CHST9: variants seen among roughly 807,000 people sequenced by gnomAD.
CHST9 encodes GalNAc-4-sulfotransferase 2.
CHST9 carries 41 observed loss-of-function variants against 44.4 expected under a neutral mutation model. The observed-to-expected ratio is 0.92, with a 90% CI of 0.72 to 1.20. The LOEUF is 1.20. CHST9 is among the 50% of genes most tolerant of loss of function. CHST9 has a pLI of 0.00. For missense variants in CHST9, 504 were observed against 516.5 expected (o/e 0.98, Z 0.23); for synonymous variants, 171 against 178.4 (o/e 0.96, Z 0.33).
rs2055376443 is a variant in CHST9, at chr18:26,906,653, G to A, written c.*9606C>T. On this transcript the variant is annotated 3_prime_UTR_variant, in exon 6 of 6. Transcript: ENST00000618847. ...CCCAACATTTGAAAGTTGAGGATAC[G>A]GAATTCAAACCCAGTTCTTACTCAT... The A allele has an allele frequency of 1.3e-5, 2 of 152,126 alleles. No individual in the cohort carries two copies. The highest frequency in any genetic ancestry group is 2.4e-5 in the African/African-American group (1 of 41,406). The allele number at this position is 152,126 out of a possible 1,614,324, so 9.4% of individuals were successfully genotyped here.
At chr18:27,052,606 T>C (rs767939495) in intron 2 of CHST9, among the ~76,000 whole-genome samples, 3 of 152,172 alleles carry the variant, frequency 2.0e-5, no homozygotes, top group Non-Finnish European at 2.9e-5. Flanking sequence ...TAAAGCCTCT[T>C]GGAAATCTCT....
chr18:27,130,307 T>C (rs2058460353), intron 2 of CHST9, among the ~76,000 whole-genome samples: 2 of 152,196 alleles, frequency 1.3e-5, no homozygotes, highest in South Asian at 4.1e-4. Flanking sequence ...AATGACCTAG[T>C]AATTATTTTA....
At chr18:27,097,158 AT>A (rs1162178629) in intron 2 of CHST9, among the ~76,000 whole-genome samples, 2 of 152,172 alleles carry the variant, frequency 1.3e-5, no homozygotes, top group Non-Finnish European at 2.9e-5. Context: ...CATAAACAGA[AT>A]TTAAAACAAA....
intron 4 of CHST9, 41 bp from the exon 5 acceptor site, chr18:26,944,407 A>C: frequency 7.3e-7 from 1 of 1,374,854 alleles, no homozygotes; most frequent in Non-Finnish European, 1.0e-6. Context: ...TTAAAGCATG[A>C]AAATGAATAA....
rs2055469811 is a variant in CHST9 at position 26,913,477 on chromosome 18, G to C, written c.*2782C>G. ...TTGCACATCTATAGATAGTTTACAG[G>C]TTACATAACTGTGGTTTTGGATTTA... On this transcript the variant is annotated 3_prime_UTR_variant, in exon 6 of 6. Coordinates refer to ENST00000618847, the MANE Select transcript of CHST9 (RefSeq NM_031422.6). The C allele has an allele frequency of 6.6e-6, 1 of 152,186 alleles. No individual in the cohort carries two copies. The highest frequency in any genetic ancestry group is 1.5e-5 in the Non-Finnish European group (1 of 68,038). The allele number at this position is 152,186 out of a possible 1,614,324, so 9.4% of individuals were successfully genotyped here.
At chr18:26,953,199 A>G (rs2056274878) in intron 4 of CHST9, among the ~76,000 whole-genome samples, 1 of 152,214 alleles carries the variant, frequency 6.6e-6, no homozygotes, top group Non-Finnish European at 1.5e-5. Flanking sequence ...GAACTTAAAA[A>G]TAAGTTCAGA....
chr18:27,093,411 C>T (rs532223740), intron 2 of CHST9, among the ~76,000 whole-genome samples: 2 of 152,366 alleles, frequency 1.3e-5, no homozygotes, highest in African/African-American at 4.8e-5. Context: ...CCAGTTCGAG[C>T]TTCCTGGACG....
At chr18:26,966,152 T>C (rs187959828) in intron 4 of CHST9, among the ~76,000 whole-genome samples, 1 of 152,304 alleles carries the variant, frequency 6.6e-6, no homozygotes, top group East Asian at 1.9e-4. Context: ...GTAGAAAGGG[T>C]AAGTTAGGAA....
Position 26,914,275 on chromosome 18 carries a change from G to A in CHST9, c.*1984C>T, listed in dbSNP as rs1202176353. On this transcript the variant is annotated 3_prime_UTR_variant, in exon 6 of 6. Transcript: ENST00000618847. ...CTTCTAAAGCTATTGAAAGTTCTTTGTCTGTTCCTTATATAGTTTTAGGAA... is the reference window on the plus strand; with the variant it reads ...CTTCTAAAGCTATTGAAAGTTCTTTATCTGTTCCTTATATAGTTTTAGGAA... 12 of 152,016 alleles carry A rather than the reference G, an allele frequency of 7.9e-5. No individual in the cohort carries two copies. Among genetic ancestry groups the A allele is most frequent in the Admixed American group, 7.9e-4 (12 of 15,252 alleles). The allele number at this position is 152,016 out of a possible 1,614,324, so 9.4% of individuals were successfully genotyped here.
At chr18:27,136,428 C>T (rs2058513743) in intron 2 of CHST9, among the ~76,000 whole-genome samples, 1 of 148,834 alleles carries the variant, frequency 6.7e-6, no homozygotes, top group African/African-American at 2.6e-5. Flanking sequence ...CTGGCCAGTG[C>T]ACTGTGTCTT....
At chr18:27,035,456 A>G (rs1418801936) in intron 3 of CHST9, among the ~76,000 whole-genome samples, 2 of 152,186 alleles carry the variant, frequency 1.3e-5, no homozygotes, top group African/African-American at 2.4e-5. Flanking sequence ...CTACCAACAG[A>G]TAAATGGATA....
At chr18:27,043,593 A>G (rs1290454880) in intron 3 of CHST9, among the ~76,000 whole-genome samples, 1 of 151,776 alleles carries the variant, frequency 6.6e-6, no homozygotes, top group Non-Finnish European at 1.5e-5. Flanking sequence ...CTTCCTCTCT[A>G]ATGTCACTGT....
At chr18:27,013,418 A>G (rs2057108671) in intron 4 of CHST9, among the ~76,000 whole-genome samples, 1 of 152,188 alleles carries the variant, frequency 6.6e-6, no homozygotes, top group African/African-American at 2.4e-5. Context: ...AATTTGATTG[A>G]TCATTTGGCA....
intron 1 of CHST9, among the ~76,000 whole-genome samples, chr18:27,162,580 A>T (rs1014560231): frequency 1.3e-5 from 2 of 152,084 alleles, no homozygotes; most frequent in Non-Finnish European, 2.9e-5. Context: ...TCTGACAATT[A>T]TGTGTCTTGG....
In CHST9 at chr18:26,992,090, C is replaced by T. The variant is rs1258864875; in HGVS notation, c.202+32026G>A. On this transcript the variant is annotated intron_variant, in intron 4 of 5. Transcript: ENST00000618847. ...CACTTATGTTCTTGTTCATATCCCA[C>T]CCTGTTCCTATGTTTGGGGATCCCA... is the stretch of plus-strand genomic sequence containing the variant. Among the ~76,000 whole-genome samples the T allele has an allele frequency of 1.6e-5, 2 of 127,368 alleles. 1 individual carries two copies. Among genetic ancestry groups the T allele is most frequent in the Non-Finnish European group, 3.6e-5 (2 of 55,700 alleles). 83.6% of individuals were successfully genotyped at this position (127,368 alleles called of 152,430 possible).
At chr18:27,168,143 C>T (rs1325750453) in intron 1 of CHST9, among the ~76,000 whole-genome samples, 1 of 149,742 alleles carries the variant, frequency 6.7e-6, no homozygotes, top group South Asian at 2.1e-4. Context: ...GGCATGATCT[C>T]GGCTCACTGC....
At chr18:27,103,782 G>C (rs563704321) in intron 2 of CHST9, among the ~76,000 whole-genome samples, 1 of 152,250 alleles carries the variant, frequency 6.6e-6, no homozygotes, top group East Asian at 1.9e-4. Context: ...TCCAAGGCAA[G>C]TAATTAATTG....
chr18:27,135,818 T>C (rs543722446), intron 2 of CHST9, among the ~76,000 whole-genome samples: 1 of 152,338 alleles, frequency 6.6e-6, no homozygotes, highest in Admixed American at 6.5e-5. Context: ...CACTTCACCA[T>C]GTGCAGCAAC....
chr18:27,084,574 T>A (rs1227086224), intron 2 of CHST9, among the ~76,000 whole-genome samples: 2 of 151,748 alleles, frequency 1.3e-5, no homozygotes, highest in Non-Finnish European at 2.9e-5. Flanking sequence ...GATCTACCAA[T>A]CTTATCTATT....
Sources: gnomAD v4.1 joint callset for allele counts (sites outside exome capture counted in the v4.1 genomes callset) on GRCh38, gnomAD v4.1.1 for gene constraint, MANE v1.5 for transcripts, NCBI Gene and HGNC (gene_info 2026-07-23, HGNC 2026-07-21) for gene names.